LRIG1: variants seen among roughly 807,000 people sequenced by gnomAD.
The protein encoded by LRIG1 is leucine rich repeats and immunoglobulin like domains 1.
In LRIG1, 48 loss-of-function variants were observed where a neutral mutation model predicts 99.2. The observed-to-expected ratio is 0.48, with a 90% confidence interval of 0.38 to 0.62. The LOEUF is 0.62. LRIG1 is among the 20% of genes least tolerant of loss of function. The pLI is 0.00. For missense variants in LRIG1, 1,646 were observed against 1,434.4 expected, an observed-to-expected ratio of 1.15 and a Z score of -2.38; for synonymous variants, 772 against 596.1, an observed-to-expected ratio of 1.29 and a Z score of -4.30.
rs1700187443 is a variant in LRIG1 at position 66,455,363 on chromosome 3, C to T, written c.291-3730G>A. 2.6e-5 allele frequency among the ~76,000 whole-genome samples: 4 copies of T among 152,366 alleles called. No individual in the cohort carries two copies. The South Asian group carries it at 8.3e-4, about 32-fold the overall frequency. The stretch of plus-strand genomic sequence containing the variant: ...TAAAGCTTCTTTGCAGTTCCATCCT[C>T]TGGTCTGCCTCCAAAGGGCAGCTCC... On this transcript the variant is annotated intron_variant, in intron 2 of 18. Coordinates refer to ENST00000273261, the MANE Select transcript of LRIG1 (RefSeq NM_015541.3).
At chr3:66,431,604 C>G (rs1391702738) in intron 3 of LRIG1, among the ~76,000 whole-genome samples, 1 of 152,172 alleles carries the variant, frequency 6.6e-6, no homozygotes, top group East Asian at 1.9e-4. Flanking sequence ...TGGTCAGCAA[C>G]TGGGGGAGGG....
chr3:66,458,281 A>C (rs982537243), intron 2 of LRIG1, among the ~76,000 whole-genome samples: 1 of 152,268 alleles, frequency 6.6e-6, no homozygotes, highest in Non-Finnish European at 1.5e-5. Context: ...ATGTCCAGCT[A>C]ATTTTTTGTA....
rs779190268 is a variant in LRIG1 at position 66,417,283 on chromosome 3, G to T, written c.366-17C>A. On this transcript the variant is annotated splice_polypyrimidine_tract_variant and intron_variant, in intron 3 of 18. Transcript: ENST00000273261. Reference sequence around the variant, plus strand: ...TTGTGCTGCCTGAAACACAACAAGGGAGGTGACTTGAGCATCTCTTTTTGC... The same window carrying T: ...TTGTGCTGCCTGAAACACAACAAGGTAGGTGACTTGAGCATCTCTTTTTGC... 16 of 1,607,250 alleles carry T rather than the reference G, an allele frequency of 1.0e-5. No individual in the cohort carries two copies. Among genetic ancestry groups the T allele is most frequent in the Non-Finnish European group, 1.3e-5 (15 of 1,174,766 alleles).
chr3:66,394,150 G>C lies in LRIG1; in HGVS notation c.1358C>G (p.Pro453Arg). ...LCDCQLKWLP[P>R]WLIGRMLQAF... is the part of the protein sequence containing the mutation. ...CTGCAGCATCCTGCCAATTAGCCAC[G>C]GGGGCAGCCACTTCAGCTGGCAGTC... The change falls in exon 12 of 19, where the codon CCG becomes CGG. Residue 453 changes from proline to arginine, a missense_variant. Physicochemically the swap from Pro to Arg is moderately radical, Grantham distance 103. Transcript: ENST00000273261. The C allele has an allele frequency of 2.5e-6, 4 of 1,610,840 alleles. No homozygotes were observed. Among genetic ancestry groups the C allele is most frequent in the Non-Finnish European group, 3.4e-6 (4 of 1,178,744 alleles).
intron 1 of LRIG1, among the ~76,000 whole-genome samples, chr3:66,464,884 G>C (rs2106846474): frequency 6.6e-6 from 1 of 152,282 alleles, no homozygotes; most frequent in East Asian, 1.9e-4. Context: ...TGCTTTTTAG[G>C]TAAGGCTACT....
chr3:66,492,888 C>T (rs1365746033), intron 1 of LRIG1, among the ~76,000 whole-genome samples: 1 of 152,156 alleles, frequency 6.6e-6, no homozygotes, highest in Non-Finnish European at 1.5e-5. Context: ...GGGGAAGGAA[C>T]TCAGGTACAG....
At chr3:66,380,904 GAGTCTTCGTCCCCACAC>G (rs1701016471) in intron 17 of LRIG1, 43 bp from the exon 18 acceptor site, 1 of 1,595,302 alleles carries the variant, frequency 6.3e-7, no homozygotes, top group Non-Finnish European at 8.6e-7. Context: ...ACTGCTGTGG[GAGTCTTCGTCCCCACAC>G]AGAGGACAGG....
chr3:66,408,710 C>T (rs1281698583), intron 7 of LRIG1, among the ~76,000 whole-genome samples: 1 of 152,098 alleles, frequency 6.6e-6, no homozygotes, highest in Non-Finnish European at 1.5e-5. Flanking sequence ...CCAGGAGTCC[C>T]CTGGTGGGGT....
intron 1 of LRIG1, among the ~76,000 whole-genome samples, chr3:66,481,403 T>G (rs1404196120): frequency 6.6e-6 from 1 of 152,152 alleles, no homozygotes; most frequent in Non-Finnish European, 1.5e-5. Flanking sequence ...AAAAGCATTG[T>G]TTCACCTTCT....
intron 17 of LRIG1, 50 bp from the exon 18 acceptor site, chr3:66,380,911 C>A: frequency 6.3e-7 from 1 of 1,580,466 alleles, no homozygotes. Context: ...TGGGAGTCTT[C>A]GTCCCCACAC....
intron 18 of LRIG1, 28 bp from the exon 19 acceptor site, chr3:66,380,517 C>T (rs763286238): frequency 4.3e-6 from 7 of 1,613,842 alleles, no homozygotes; most frequent in Admixed American, 3.3e-5. Context: ...ACCTGTCAGA[C>T]CCCCACTTGA....
chr3:66,394,677 T>G (rs936146369), intron 11 of LRIG1, among the ~76,000 whole-genome samples: 5 of 152,236 alleles, frequency 3.3e-5, no homozygotes, highest in African/African-American at 9.6e-5. Flanking sequence ...GCTTCCAAAC[T>G]CGGCCTGAGA....
rs562794801 is a variant in LRIG1, at chr3:66,388,272, A to C, written c.1469-1971T>G. Reference sequence around the variant, plus strand: ...TTGACAGCAGAACTGAGCTGGCAGAAGGAGGGGGCAGGGAACTTGAGACAG... The same window carrying C: ...TTGACAGCAGAACTGAGCTGGCAGACGGAGGGGGCAGGGAACTTGAGACAG... On this transcript the variant is annotated intron_variant, in intron 12 of 18. Transcript: ENST00000273261. Among the ~76,000 whole-genome samples, 78 of 152,226 alleles carry C rather than the reference A, an allele frequency of 5.1e-4. 2 individuals carry two copies. The South Asian group carries it at 0.016, about 30-fold the overall frequency.
At chr3:66,384,445 C>T (rs945481668) in intron 13 of LRIG1, among the ~76,000 whole-genome samples, 173 bp from the exon 14 acceptor site, 1 of 152,152 alleles carries the variant, frequency 6.6e-6, no homozygotes, top group African/African-American at 2.4e-5. Flanking sequence ...CCAGCTTCTC[C>T]CACCACAGTT....
chr3:66,398,987 C>G lies in LRIG1; in HGVS notation c.1215G>C (p.Leu405=), dbSNP rs775541506. ...ATACTCACAGGTGCTCCAGGCCTTC[C>G]AGCCCCGAGAATGCTCTCTTAGCCA... The part of the protein sequence containing the change: ...KSVAKRAFSG[L]EGLEHLNLGG... Residue 405 remains leucine (L), a synonymous_variant, in exon 10 of 19, where the codon CTG becomes CTC. Transcript: ENST00000273261. 2 of 1,614,206 alleles carry G rather than the reference C, an allele frequency of 1.2e-6. No homozygotes were observed. The highest frequency in any genetic ancestry group is 1.7e-6 in the Non-Finnish European group (2 of 1,180,020).
At chr3:66,394,569 T>C (rs1701768089) in intron 11 of LRIG1, among the ~76,000 whole-genome samples, 1 of 152,182 alleles carries the variant, frequency 6.6e-6, no homozygotes. Context: ...GACCCTGGGC[T>C]GCCTTCTGAC....
chr3:66,449,533 G>A (rs570109866), intron 3 of LRIG1, among the ~76,000 whole-genome samples: 25 of 152,354 alleles, frequency 1.6e-4, no homozygotes, highest in African/African-American at 6.0e-4. Context: ...CTTGGGCCAA[G>A]GAACAGAAAT....
chr3:66,382,861 A>ATT, intron 15 of LRIG1, 121 bp downstream of exon 15: 2 of 864,560 alleles, frequency 2.3e-6, no homozygotes, highest in Non-Finnish European at 3.5e-6. Flanking sequence ...AGTGGGACTA[A>ATT]ACCCTCAGGA....
In LRIG1 at chr3:66,446,262, C is replaced by T. The variant is rs554607540; in HGVS notation, c.365+5297G>A. 9.9e-5 allele frequency among the ~76,000 whole-genome samples: 15 copies of T among 152,230 alleles called. No individual in the cohort carries two copies. In the South Asian group the frequency reaches 3.1e-3, roughly 32 times the overall value. On this transcript the variant is annotated intron_variant, in intron 3 of 18. Coordinates refer to ENST00000273261, the MANE Select transcript of LRIG1 (RefSeq NM_015541.3). Reference sequence around the variant, plus strand: ...CACCCAGGGCTTCGTCCACTCTTCACTCACCCCCGGGGAAGGGGGAAGGTG... The same window carrying T: ...CACCCAGGGCTTCGTCCACTCTTCATTCACCCCCGGGGAAGGGGGAAGGTG...
Sources: gnomAD v4.1 joint callset for allele counts (sites outside exome capture counted in the v4.1 genomes callset) on GRCh38, gnomAD v4.1.1 for gene constraint, MANE v1.5 for transcripts, NCBI Gene and HGNC (gene_info 2026-07-23, HGNC 2026-07-21) for gene names.